MACF1: variants seen among roughly 807,000 people sequenced by gnomAD.
The protein encoded by MACF1 is microtubule actin crosslinking factor 1.
A neutral mutation model predicts 854.8 loss-of-function variants in MACF1; 193 were observed. The observed-to-expected ratio is 0.23, with a 90% CI of 0.20 to 0.25. The LOEUF (loss-of-function observed/expected upper bound fraction) is 0.25. MACF1 is among the 10% of genes least tolerant of loss of function. MACF1 has a pLI of 1.00. For missense variants in MACF1, 7,722 were observed against 8,929.1 expected (o/e 0.86, Z 5.45); for synonymous variants, 3,185 against 3,226.7 (o/e 0.99, Z 0.44).
At chr1:39,176,901 G>C (rs1644036984) in intron 2 of MACF1, among the ~76,000 whole-genome samples, 1 of 152,152 alleles carries the variant, frequency 6.6e-6, no homozygotes, top group African/African-American at 2.4e-5. Context: ...GTAATCTTTA[G>C]TAAGATCCTT....
rs1644039165 is a variant in MACF1, at chr1:39,177,093, G to T, written c.221-54089G>T. ...AGAGCTACGTTGGGGCCTAAGGACT[G>T]AGAATCGCTGTCATCAGACTAGAGG... is the stretch of plus-strand genomic sequence containing the variant. On this transcript the variant is annotated intron_variant, in intron 2 of 93. Transcript: ENST00000361689. Among the ~76,000 whole-genome samples the T allele has an allele frequency of 3.3e-5, 5 of 152,272 alleles. 1 individual carries two copies. The South Asian group carries it at 1.0e-3, about 32-fold the overall frequency.
At chr1:39,166,773 A>G (rs761024681) in intron 2 of MACF1, among the ~76,000 whole-genome samples, 6 of 150,208 alleles carry the variant, frequency 4.0e-5, no homozygotes, top group Non-Finnish European at 7.4e-5. Flanking sequence ...TTTAAGACAG[A>G]GGAATGACAT....
chr1:39,194,535 G>A (rs892136684), intron 2 of MACF1, among the ~76,000 whole-genome samples: 1 of 150,408 alleles, frequency 6.6e-6, no homozygotes, highest in Non-Finnish European at 1.5e-5. Context: ...TGTAATTTTA[G>A]TAGAGACGGG....
intron 26 of MACF1, among the ~76,000 whole-genome samples, chr1:39,311,474 G>A (rs1044643866): frequency 3.9e-5 from 6 of 152,304 alleles, no homozygotes; most frequent in East Asian, 1.9e-4. Context: ...GTAAAATGGA[G>A]ATGGCAATGC....
At chr1:39,175,248 T>G (rs1195505984) in intron 2 of MACF1, among the ~76,000 whole-genome samples, 1 of 152,144 alleles carries the variant, frequency 6.6e-6, no homozygotes, top group Non-Finnish European at 1.5e-5. Flanking sequence ...ATATCTCAAA[T>G]GACCCAGAAA....
At chr1:39,171,692 C>T (rs1432891630) in intron 2 of MACF1, among the ~76,000 whole-genome samples, 1 of 152,168 alleles carries the variant, frequency 6.6e-6, no homozygotes, top group South Asian at 2.1e-4. Flanking sequence ...GTGGTGCTAT[C>T]GCGGCTCACT....
chr1:39,373,473 GAAAAAAAAAAAA>G (rs57688838), intron 52 of MACF1: 21,085 of 66,248 alleles, frequency 0.32, 2,291 homozygotes, highest in Middle Eastern at 0.42. Flanking sequence ...TCCATCTCAG[GAAAAAAAAAAAA>G]AAAAAAAAAA....
chr1:39,416,397 A>C (rs1235835031), intron 58 of MACF1, among the ~76,000 whole-genome samples: 1 of 152,028 alleles, frequency 6.6e-6, no homozygotes, highest in East Asian at 1.9e-4. Context: ...TCTAATCCCA[A>C]CATTTGGGAA....
chr1:39,479,927 G>A lies in MACF1; in HGVS notation c.22088G>A (p.Arg7363His), dbSNP rs762457429. The change falls in exon 98 of 101, where the codon CGT (arginine) becomes CAT (histidine). Residue 7363 changes from arginine (R) to histidine (H), a missense_variant. This residue lies in a region of MACF1 where 153 missense variants were observed against 342.5 expected (regional missense o/e 0.45). Coordinates refer to ENST00000564288, the MANE Select transcript of MACF1 (RefSeq NM_001394062.1). ...KPSSRAASPT[R>H]SSSSASQSNH... ...TCTTCCCGGGCAGCTTCCCCTACTC[G>A]TTCCAGCTCCAGTGCTAGTCAGAGT... is the stretch of plus-strand genomic sequence containing the variant. 4.3e-6 allele frequency: 7 copies of A among 1,614,012 alleles called. No homozygotes were observed. Among genetic ancestry groups the A allele is most frequent in the Admixed American group, 1.7e-5 (1 of 59,992 alleles).
chr1:39,214,354 A>G (rs1296632009), intron 1 of MACF1, among the ~76,000 whole-genome samples: 1 of 152,218 alleles, frequency 6.6e-6, no homozygotes, highest in Non-Finnish European at 1.5e-5. Context: ...GTGTTTCTTC[A>G]ACATTCCAGT....
chr1:39,452,692 G>A lies in MACF1; in HGVS notation c.20622G>A (p.Val6874=). ...GTGCTTGGTTATTTCAGGCGGAAGTGTTTCGAGACACAGTCCACATGCTGT... is the reference window on the plus strand; with the variant it reads ...GTGCTTGGTTATTTCAGGCGGAAGTATTTCGAGACACAGTCCACATGCTGT... ...RLEQALKQAE[V]FRDTVHMLLE... The change falls in exon 87 of 101, where the codon GTG becomes GTA. Residue 6874 remains valine, a synonymous_variant. Transcript: ENST00000564288. 1 of 1,613,078 alleles carries A rather than the reference G, an allele frequency of 6.2e-7. No homozygotes were observed.
chr1:39,235,556 T>G (rs1644851086), intron 2 of MACF1, among the ~76,000 whole-genome samples: 1 of 152,236 alleles, frequency 6.6e-6, no homozygotes, highest in South Asian at 2.1e-4. Context: ...CCAAGTCCAG[T>G]TAATCACTTG....
chr1:39,335,580 A>C lies in MACF1; in HGVS notation c.8992A>C (p.Lys2998Gln), dbSNP rs750201527. Reference protein sequence around the residue: ...TCKPAFLSEEKLYQETAIRDE... With the variant: ...TCKPAFLSEEQLYQETAIRDE... Reference sequence around the variant, plus strand: ...CAAACCAGCATTTCTTTCTGAAGAAAAGTTGTATCAGGAAACTGCCATTAG... The same window carrying C: ...CAAACCAGCATTTCTTTCTGAAGAACAGTTGTATCAGGAAACTGCCATTAG... The change falls in exon 37 of 101, where the codon AAG becomes CAG. Residue 2998 changes from lysine to glutamine, a missense_variant. By Grantham distance (53) the Lys-to-Gln change is moderately conservative (BLOSUM62 1). Around this residue, in one of 15 missense-constraint regions of MACF1, gnomAD observed 854 missense variants for 852.6 expected, o/e 1.00. Coordinates refer to ENST00000564288, the MANE Select transcript of MACF1 (RefSeq NM_001394062.1). 1.9e-6 allele frequency: 3 copies of C among 1,614,198 alleles called. No homozygotes were observed. Among genetic ancestry groups the C allele is most frequent in the Non-Finnish European group, 1.7e-6 (2 of 1,180,032 alleles).
intron 35 of MACF1, among the ~76,000 whole-genome samples, chr1:39,325,943 T>C (rs935830298): frequency 6.6e-6 from 1 of 152,104 alleles, no homozygotes; most frequent in African/African-American, 2.4e-5. Flanking sequence ...GTCTATGTGG[T>C]TGTGGAATTT....
At chr1:39,101,958 C>G (rs993449637) in intron 2 of MACF1, among the ~76,000 whole-genome samples, 1 of 151,680 alleles carries the variant, frequency 6.6e-6, no homozygotes, top group Non-Finnish European at 1.5e-5. Flanking sequence ...GGGCGGATCA[C>G]GAGGTCAGGA....
chr1:39,202,668 A>G (rs961345514), upstream of MACF1, among the ~76,000 whole-genome samples: 3 of 151,630 alleles, frequency 2.0e-5, no homozygotes, highest in African/African-American at 7.3e-5. Flanking sequence ...CCCCATTGAC[A>G]TTGACACTCC....
chr1:39,438,818 C>T (rs1231539090), intron 71 of MACF1, among the ~76,000 whole-genome samples: 1 of 150,892 alleles, frequency 6.6e-6, no homozygotes, highest in Admixed American at 6.6e-5. Flanking sequence ...TGTGGTGGCT[C>T]ATGCTGATAA....
In MACF1 at chr1:39,291,986, A is replaced by C; in HGVS notation, c.1862A>C (p.His621Pro). 6.2e-7 allele frequency: 1 copy of C among 1,614,150 alleles called. No homozygotes were observed. Among genetic ancestry groups the C allele is most frequent in the Non-Finnish European group, 8.5e-7 (1 of 1,180,014 alleles). ...CAGCTAGAAACACAGCAGCACATCC[A>C]TACGAGTGTAGAAGAGCTGGGCTCA... ...ELQLETQQHIHTSVEELGSSV... is the reference protein window; with the variant it reads ...ELQLETQQHIPTSVEELGSSV... The change falls in exon 16 of 101, where the codon CAT becomes CCT. Residue 621 changes from histidine to proline, a missense_variant. His to Pro is a moderately conservative substitution (Grantham distance 77). This residue lies in a region of MACF1 where 1,137 missense variants were observed against 1,263.0 expected (regional missense o/e 0.90). Transcript: ENST00000564288.
rs1212634352 is a variant in MACF1 at position 39,447,485 on chromosome 1, A to G, written c.19659A>G (p.Gln6553=). The change falls in exon 81 of 101, where the codon CAA becomes CAG. Residue 6553 remains glutamine, a synonymous_variant. Coordinates refer to ENST00000564288, the MANE Select transcript of MACF1 (RefSeq NM_001394062.1). ...CAACAGAATTCCAGAATTCCCTACAAGAATTTATCAACTGGCTCACTCTAG... is the reference window on the plus strand; with the variant it reads ...CAACAGAATTCCAGAATTCCCTACAGGAATTTATCAACTGGCTCACTCTAG... ...NLATEFQNSL[Q]EFINWLTLAE... 43 of 1,614,048 alleles carry G rather than the reference A, an allele frequency of 2.7e-5. No homozygotes were observed. Among genetic ancestry groups the G allele is most frequent in the Non-Finnish European group, 3.6e-5 (43 of 1,180,028 alleles).
Sources: allele counts gnomAD v4.1 joint callset (sites outside exome capture counted in the v4.1 genomes callset), GRCh38; gene constraint gnomAD v4.1.1; regional missense constraint gnomAD v4.1.1; transcripts MANE v1.5; gene names NCBI Gene and HGNC (gene_info 2026-07-23, HGNC 2026-07-21).